The following RBFOX1 variants were observed in gnomAD, a reference collection of about 807,000 sequenced individuals.
RBFOX1 encodes RNA binding fox-1 homolog 1.
A neutral mutation model predicts 57.7 loss-of-function variants in RBFOX1; 8 were observed. The ratio of observed to expected loss-of-function variants is 0.14; its 90% CI spans 0.08 to 0.25. The LOEUF (loss-of-function observed/expected upper bound fraction) is 0.25. Ranked by LOEUF, RBFOX1 falls within the 10% of genes least tolerant of loss-of-function variation. The pLI, the probability that RBFOX1 is intolerant of heterozygous loss-of-function variation, is 1.00. For synonymous variants in RBFOX1, 326 were observed against 222.4 expected, an observed-to-expected ratio of 1.47 and a Z score of -4.15; for missense variants, 611 against 548.5, an observed-to-expected ratio of 1.11 and a Z score of -1.14.
chr16:6,931,810 C>T (rs971481859), intron 3 of RBFOX1, among the ~76,000 whole-genome samples: 3 of 152,096 alleles, frequency 2.0e-5, no homozygotes, highest in Non-Finnish European at 2.9e-5. Context: ...TAAGTTTACT[C>T]AGTTATGATT....
chr16:6,976,416 G>C lies in RBFOX1; in HGVS notation c.-15-75641G>C, dbSNP rs2086864719. Among the ~76,000 whole-genome samples the C allele has an allele frequency of 2.0e-5, 3 of 152,188 alleles. No individual in the cohort carries two copies. In the South Asian group the frequency reaches 6.2e-4, roughly 32 times the overall value. On this transcript the variant is annotated intron_variant, in intron 3 of 15. Transcript: ENST00000550418. ...TTCAGAATCCAGTTTCCAGAGGCGA[G>C]CATGTTTTATACATCTGTGGCTATT...
chr16:6,758,556 C>G (rs369188515), intron 3 of RBFOX1, among the ~76,000 whole-genome samples: 1 of 152,074 alleles, frequency 6.6e-6, no homozygotes, highest in Non-Finnish European at 1.5e-5. Context: ...CAGAATATAA[C>G]CATGCTCTCT....
At chr16:7,621,520 C>T (rs1386373883) in intron 10 of RBFOX1, among the ~76,000 whole-genome samples, 1 of 152,070 alleles carries the variant, frequency 6.6e-6, no homozygotes, top group African/African-American at 2.4e-5. Context: ...CCTTGGCTTT[C>T]CAAAGTGCTG....
chr16:6,631,807 G>C (rs1042189816), intron 2 of RBFOX1, among the ~76,000 whole-genome samples: 1 of 152,102 alleles, frequency 6.6e-6, no homozygotes, highest in Non-Finnish European at 1.5e-5. Flanking sequence ...AGCTCTGCAG[G>C]GGGCGGGGGT....
At chr16:5,372,994 T>A (rs1403324598) in intron 1 of RBFOX1, among the ~76,000 whole-genome samples, 2 of 152,230 alleles carry the variant, frequency 1.3e-5, no homozygotes, top group Non-Finnish European at 2.9e-5. Flanking sequence ...ATCTTCTCCA[T>A]CTAAACCTCT....
At chr16:5,318,170 C>T (rs967224740) in intron 1 of RBFOX1, among the ~76,000 whole-genome samples, 1 of 152,032 alleles carries the variant, frequency 6.6e-6, no homozygotes, top group South Asian at 2.1e-4. Flanking sequence ...ACTGTGTCAC[C>T]CAGGCTGGAG....
chr16:5,793,267 C>T (rs2054765056), intron 3 of RBFOX1, among the ~76,000 whole-genome samples: 1 of 152,264 alleles, frequency 6.6e-6, no homozygotes, highest in South Asian at 2.1e-4. Flanking sequence ...GCAGCCCTGG[C>T]TGCCTCTGCT....
chr16:6,994,602 T>C (rs1373298501), intron 3 of RBFOX1, among the ~76,000 whole-genome samples: 1 of 152,196 alleles, frequency 6.6e-6, no homozygotes, highest in Non-Finnish European at 1.5e-5. Context: ...AGAATGATGC[T>C]GTGTATCTGC....
chr16:6,695,413 C>CAA (rs71145278), intron 3 of RBFOX1, among the ~76,000 whole-genome samples: 6,348 of 108,634 alleles, frequency 0.058, 211 homozygotes, highest in Non-Finnish European at 0.066. Flanking sequence ...GAAACTCTGT[C>CAA]AAAAAAAAAA....
intron 10 of RBFOX1, among the ~76,000 whole-genome samples, chr16:7,611,594 A>G (rs1294147051): frequency 1.3e-5 from 2 of 151,548 alleles, no homozygotes; most frequent in Non-Finnish European, 2.9e-5. Flanking sequence ...AAAAAAAAAA[A>G]GGCAAGTTAT....
intron 4 of RBFOX1, among the ~76,000 whole-genome samples, chr16:5,983,779 T>C (rs28645621): frequency 0.16 from 24,764 of 151,768 alleles, 3,145 homozygotes; most frequent in African/African-American, 0.35. Context: ...AACAGTGATT[T>C]TTAACAGGGC....
At chr16:7,005,373 A>C (rs1479808595) in intron 3 of RBFOX1, among the ~76,000 whole-genome samples, 1 of 152,134 alleles carries the variant, frequency 6.6e-6, no homozygotes, top group African/African-American at 2.4e-5. Context: ...TATAGAATAG[A>C]GGGATGGCAA....
chr16:7,404,075 C>T lies in RBFOX1; in HGVS notation c.28-114072C>T, dbSNP rs546880417. 5.9e-4 allele frequency among the ~76,000 whole-genome samples: 16 copies of T among 27,090 alleles called. 1 individual carries two copies. Among genetic ancestry groups the T allele is most frequent in the Non-Finnish European group, 1.1e-3 (10 of 8,856 alleles). The allele number at this position is 27,090 out of a possible 152,430, so 17.8% of individuals were successfully genotyped here. A position where few individuals can be genotyped will look rare whatever the true frequency, so the allele number is the denominator to read the frequency against. On this transcript the variant is annotated intron_variant, in intron 4 of 15. Coordinates refer to ENST00000550418, the MANE Select transcript of RBFOX1 (RefSeq NM_018723.4). ...TTTATTTTATTTTATTTTATTGAGACGGAGTCTCACTCTGTCACCCAGGCT... is the reference window on the plus strand; with the variant it reads ...TTTATTTTATTTTATTTTATTGAGATGGAGTCTCACTCTGTCACCCAGGCT...
chr16:6,874,248 A>T (rs1443993744), intron 3 of RBFOX1, among the ~76,000 whole-genome samples: 2 of 152,098 alleles, frequency 1.3e-5, no homozygotes, highest in Admixed American at 1.3e-4. Flanking sequence ...AGTGGTTCAC[A>T]CTTGTAATCC....
chr16:6,954,117 C>T (rs1424101980), intron 3 of RBFOX1, among the ~76,000 whole-genome samples: 1 of 152,092 alleles, frequency 6.6e-6, no homozygotes, highest in African/African-American at 2.4e-5. Flanking sequence ...GTGTCAGTCA[C>T]CTTTGCAGGC....
rs1042068209 is a variant in RBFOX1 at position 7,107,912 on chromosome 16, C to G, written c.27+55814C>G. Among the ~76,000 whole-genome samples, 6 of 151,780 alleles carry G rather than the reference C, an allele frequency of 4.0e-5. No individual in the cohort carries two copies. In the East Asian group the frequency reaches 1.2e-3, roughly 29 times the overall value. ...GATGCTAAACGGTGGAGGGATTTTT[C>G]TGACTTGAAAAAGGCAGAGTTTACC... On this transcript the variant is annotated intron_variant, in intron 4 of 15. Coordinates refer to ENST00000550418, the MANE Select transcript of RBFOX1 (RefSeq NM_018723.4).
At chr16:6,273,742 A>C (rs1274973972) in intron 1 of RBFOX1, among the ~76,000 whole-genome samples, 3 of 152,140 alleles carry the variant, frequency 2.0e-5, no homozygotes, top group Admixed American at 2.0e-4. Context: ...CTTGCTCGGC[A>C]AAACACCCTG....
rs1597371778 is a variant in RBFOX1 at position 7,653,733 on chromosome 16, G to T, written c.758-82G>T. The T allele has an allele frequency of 4.4e-6, 7 of 1,582,924 alleles. No homozygotes were observed. In the East Asian group the frequency reaches 9.0e-5, roughly 20 times the overall value. On this transcript the variant is annotated intron_variant, in intron 11 of 15. Transcript: ENST00000550418. ...TGCTGGGACCCTGTGCAGGGACAAG[G>T]GTTCCCGGGGCAGTTCCCTCCACAG...
chr16:6,112,407 G>A (rs761404969), intron 1 of RBFOX1, among the ~76,000 whole-genome samples: 7 of 152,130 alleles, frequency 4.6e-5, no homozygotes, highest in Admixed American at 6.6e-5. Context: ...AAAGAAGTCC[G>A]AGGCTGGGCA....
Sources: allele counts gnomAD v4.1 joint callset (sites outside exome capture counted in the v4.1 genomes callset), GRCh38; gene constraint gnomAD v4.1.1; transcripts MANE v1.5; gene names NCBI Gene and HGNC (gene_info 2026-07-23, HGNC 2026-07-21).